The following JAZF1 variants were observed in gnomAD, a reference collection of about 807,000 sequenced individuals.
JAZF1 encodes juxtaposed with another zinc finger protein 1.
A neutral mutation model predicts 26.4 loss-of-function variants in JAZF1; 8 were observed. The observed-to-expected ratio is 0.30, with a 90% CI of 0.18 to 0.55. JAZF1 has a LOEUF of 0.55. JAZF1 is among the 20% of genes least tolerant of loss of function. The probability of loss-of-function intolerance (pLI) is 0.94; values close to 1 mark genes in which losing one functional copy is unlikely to be tolerated. For synonymous variants in JAZF1, 126 were observed against 122.3 expected, an observed-to-expected ratio of 1.03 and a Z score of -0.20; for missense variants, 199 against 322.0, an observed-to-expected ratio of 0.62 and a Z score of 2.92.
At chr7:28,003,227 G>GA (rs149288537) in intron 1 of JAZF1, among the ~76,000 whole-genome samples, 6,599 of 146,028 alleles carry the variant, frequency 0.045, 170 homozygotes, top group South Asian at 0.1. Context: ...GGATTTAAAA[G>GA]AAAAAAAAAA....
intron 2 of JAZF1, among the ~76,000 whole-genome samples, chr7:27,952,020 G>A (rs1024200379): frequency 6.6e-5 from 10 of 152,172 alleles, no homozygotes; most frequent in African/African-American, 2.4e-4. Context: ...TATACCTGTA[G>A]GATGAGAAAC....
rs140509847 is a variant in JAZF1 at position 27,840,503 on chromosome 7, AG to A, written c.555+194del. ...GAGCAGAGGGGAAAGCCCCGGCAGC[AG>A]CGGTGGCGGGTGAGCACTTCCTTGA... On this transcript the variant is annotated intron_variant, in intron 4 of 4. Coordinates refer to ENST00000283928, the MANE Select transcript of JAZF1 (RefSeq NM_175061.4). The surrounding 1 kb of genome is among the most constrained non-coding windows in gnomAD (Gnocchi z 5.1). Among the ~76,000 whole-genome samples the A allele has an allele frequency of 0.013, 1,914 of 152,376 alleles. 41 individuals carry two copies. The highest frequency in any genetic ancestry group is 0.044 in the African/African-American group (1,820 of 41,600).
At position 28,170,395 on chromosome 7, in the gene JAZF1, ATGTGTGTATG is replaced by A. The variant is rs1562611310; in HGVS notation, c.115+10058_115+10067del. Among the ~76,000 whole-genome samples, 553 of 98,008 alleles carry A rather than the reference ATGTGTGTATG, an allele frequency of 5.6e-3. 1 individual carries two copies. Among genetic ancestry groups the A allele is most frequent in the Middle Eastern group, 0.015 (3 of 196 alleles). The allele number at this position is 98,008 out of a possible 152,430, so 64.3% of individuals were successfully genotyped here. ...TGTGTGTGTGTGTGTGTGTGTGTGT[ATGTGTGTATG>A]TGTGTGTATGTGTAGAGGGTTAGGT... On this transcript the variant is annotated intron_variant, in intron 1 of 4. Coordinates refer to ENST00000283928, the MANE Select transcript of JAZF1 (RefSeq NM_175061.4).
intron 1 of JAZF1, among the ~76,000 whole-genome samples, chr7:28,064,100 T>G (rs1783841690): frequency 6.6e-6 from 1 of 152,040 alleles, no homozygotes; most frequent in Non-Finnish European, 1.5e-5. Context: ...TTGGACATCC[T>G]GTAAATTATA....
chr7:27,993,112 C>T (rs1442263511), intron 1 of JAZF1, among the ~76,000 whole-genome samples: 1 of 152,160 alleles, frequency 6.6e-6, no homozygotes, highest in Non-Finnish European at 1.5e-5. Context: ...CAGTTTTATT[C>T]GTGGTGTTAA....
chr7:27,931,992 C>T lies in JAZF1; in HGVS notation c.189-36576G>A, dbSNP rs561236042. Among the ~76,000 whole-genome samples the T allele has an allele frequency of 2.0e-5, 3 of 152,306 alleles. No individual in the cohort carries two copies. In the East Asian group the frequency reaches 5.8e-4, roughly 29 times the overall value. Reference sequence around the variant, plus strand: ...TTCTTGAATGTATTTGGAAAGAATTCTCCCTGGTTCATCATGGGCTCAGTC... The same window carrying T: ...TTCTTGAATGTATTTGGAAAGAATTTTCCCTGGTTCATCATGGGCTCAGTC... On this transcript the variant is annotated intron_variant, in intron 2 of 4. Transcript: ENST00000283928.
At chr7:27,857,435 T>G (rs1783289972) in intron 3 of JAZF1, among the ~76,000 whole-genome samples, 1 of 152,168 alleles carries the variant, frequency 6.6e-6, no homozygotes, top group Non-Finnish European at 1.5e-5. Flanking sequence ...GCTCTGGCCT[T>G]GGCCAGCCCA....
At chr7:27,996,164 C>T (rs189933265) in intron 1 of JAZF1, among the ~76,000 whole-genome samples, 4 of 152,304 alleles carry the variant, frequency 2.6e-5, no homozygotes, top group East Asian at 1.9e-4. Flanking sequence ...GGCTAATTAA[C>T]GAGCTCTTGG....
intron 2 of JAZF1, among the ~76,000 whole-genome samples, chr7:27,949,145 T>C (rs1287979505): frequency 9.2e-5 from 14 of 152,188 alleles, no homozygotes; most frequent in Admixed American, 9.2e-4. Flanking sequence ...CTCAGATAAA[T>C]TCTGTAGAAC....
chr7:27,918,975 T>C (rs1784485634), intron 2 of JAZF1, among the ~76,000 whole-genome samples: 1 of 152,228 alleles, frequency 6.6e-6, no homozygotes, highest in African/African-American at 2.4e-5. Flanking sequence ...GACTTTGTGA[T>C]GTTATCTGGC....
At chr7:28,037,592 C>T (rs1210920163) in intron 1 of JAZF1, among the ~76,000 whole-genome samples, 4 of 152,094 alleles carry the variant, frequency 2.6e-5, no homozygotes, top group Non-Finnish European at 4.4e-5. Context: ...CCTCTTTTTC[C>T]TCGTGTGAAA....
intron 2 of JAZF1, among the ~76,000 whole-genome samples, chr7:27,921,298 A>G (rs1389873330): frequency 6.6e-6 from 1 of 151,482 alleles, no homozygotes; most frequent in African/African-American, 2.4e-5. Context: ...AGCATTATAA[A>G]GCCTCTGGGC....
intron 1 of JAZF1, among the ~76,000 whole-genome samples, chr7:28,158,656 C>G (rs1367893231): frequency 6.6e-6 from 1 of 152,152 alleles, no homozygotes; most frequent in Non-Finnish European, 1.5e-5. Context: ...TATAAAGGAG[C>G]AACAATACAT....
At chr7:28,090,782 A>AT (rs202149302) in intron 1 of JAZF1, among the ~76,000 whole-genome samples, 919 of 84,712 alleles carry the variant, frequency 0.011, 8 homozygotes, top group African/African-American at 0.038. Context: ...TCAAGCTCTT[A>AT]TTTTTTTTTC....
chr7:28,179,954 G>C (rs1251494087), intron 1 of JAZF1, among the ~76,000 whole-genome samples: 1 of 98,802 alleles, frequency 1.0e-5, no homozygotes, highest in Non-Finnish European at 1.9e-5. Flanking sequence ...AGCCGCCGCC[G>C]AGCCCTGACA....
At chr7:27,867,671 C>T (rs896834158) in intron 3 of JAZF1, among the ~76,000 whole-genome samples, 1 of 152,216 alleles carries the variant, frequency 6.6e-6, no homozygotes, top group African/African-American at 2.4e-5. Flanking sequence ...TTGGGAGAAA[C>T]TGCAAGGGCA....
intron 2 of JAZF1, among the ~76,000 whole-genome samples, chr7:27,942,803 A>G (rs1200401073): frequency 6.6e-6 from 1 of 152,230 alleles, no homozygotes; most frequent in Admixed American, 6.5e-5. Flanking sequence ...ACAATCAACA[A>G]TAAGTGCCTT....
chr7:27,893,561 C>A (rs1455440154), intron 3 of JAZF1, among the ~76,000 whole-genome samples: 1 of 152,204 alleles, frequency 6.6e-6, no homozygotes, highest in Non-Finnish European at 1.5e-5. Context: ...CTCCCCCTTT[C>A]CTCTTTACTT....
At chr7:27,959,746 A>C (rs2128356890) in intron 2 of JAZF1, among the ~76,000 whole-genome samples, 1 of 152,020 alleles carries the variant, frequency 6.6e-6, no homozygotes, top group East Asian at 1.9e-4. Context: ...CTAAAAATAA[A>C]AAAATTAGCT....
Sources: allele counts gnomAD v4.1 joint callset (sites outside exome capture counted in the v4.1 genomes callset), GRCh38; gene constraint gnomAD v4.1.1; non-coding constraint Gnocchi (gnomAD v3.1); transcripts MANE v1.5; gene names NCBI Gene and HGNC (gene_info 2026-07-23, HGNC 2026-07-21).